The following NALF1 variants were observed in gnomAD, a reference collection of about 807,000 sequenced individuals.
The protein encoded by NALF1 is NALCN channel auxiliary factor 1, also known as family with sequence similarity 155 member A.
In NALF1, 3 loss-of-function variants were observed where a neutral mutation model predicts 48.4. That is an observed-to-expected ratio of 0.06 (90% CI 0.03 to 0.16). The LOEUF is 0.16. Among genes scored for constraint, NALF1 ranks in the 10% least tolerant of loss-of-function variants. The probability of loss-of-function intolerance (pLI) is 1.00; values close to 1 mark genes in which losing one functional copy is unlikely to be tolerated. For missense variants in NALF1, 526 were observed against 571.5 expected (o/e 0.92, Z 0.81); for synonymous variants, 262 against 245.7 (o/e 1.07, Z -0.62).
At chr13:107,389,393 T>C (rs1883583592) in intron 1 of NALF1, among the ~76,000 whole-genome samples, 2 of 152,084 alleles carry the variant, frequency 1.3e-5, no homozygotes, top group African/African-American at 4.8e-5. Flanking sequence ...ATAGTTGGTG[T>C]CCTTATGAAA....
intron 1 of NALF1, among the ~76,000 whole-genome samples, chr13:107,595,440 G>C (rs568796950): frequency 1.1e-4 from 16 of 152,184 alleles, no homozygotes; most frequent in Non-Finnish European, 1.8e-4. Context: ...TAGAAACACA[G>C]TGGTATAGAA....
intron 1 of NALF1, among the ~76,000 whole-genome samples, chr13:107,481,988 GT>G (rs1885261390): frequency 6.6e-6 from 1 of 152,052 alleles, no homozygotes; most frequent in Admixed American, 6.6e-5. Context: ...TGATGGTTAA[GT>G]TTATGTGTCA....
At chr13:107,828,204 C>T (rs1391114510) in intron 1 of NALF1, among the ~76,000 whole-genome samples, 1 of 152,076 alleles carries the variant, frequency 6.6e-6, no homozygotes, top group Non-Finnish European at 1.5e-5. Flanking sequence ...AAAAATTTTA[C>T]GAGTAATTTG....
At chr13:107,711,251 T>G (rs1249324693) in intron 1 of NALF1, among the ~76,000 whole-genome samples, 1 of 152,156 alleles carries the variant, frequency 6.6e-6, no homozygotes, top group Non-Finnish European at 1.5e-5. Context: ...CTTTTTCCAG[T>G]AGAGATTCCA....
intron 1 of NALF1, among the ~76,000 whole-genome samples, chr13:107,594,208 C>T (rs1287368942): frequency 6.6e-6 from 1 of 151,970 alleles, no homozygotes; most frequent in Non-Finnish European, 1.5e-5. Context: ...CGTTGTCATC[C>T]GTAGCTTCCA....
At chr13:107,615,358 T>C (rs1444578951) in intron 1 of NALF1, among the ~76,000 whole-genome samples, 7 of 152,184 alleles carry the variant, frequency 4.6e-5, no homozygotes, top group African/African-American at 1.7e-4. Flanking sequence ...GTCTGCTCCC[T>C]TATGGCTTGC....
At chr13:107,857,109 T>C (rs1292688049) in intron 1 of NALF1, among the ~76,000 whole-genome samples, 1 of 152,220 alleles carries the variant, frequency 6.6e-6, no homozygotes, top group Non-Finnish European at 1.5e-5. Flanking sequence ...GGTAATCCTG[T>C]TTTCATTCAT....
At chr13:107,508,649 TG>T (rs1406998349) in intron 1 of NALF1, among the ~76,000 whole-genome samples, 1 of 152,094 alleles carries the variant, frequency 6.6e-6, no homozygotes, top group African/African-American at 2.4e-5. Context: ...AAATTCAAGT[TG>T]TTTTTTCTTG....
rs1254270929 is a variant in NALF1 at position 107,168,971 on chromosome 13, T to A, written c.*1526A>T. On this transcript the variant is annotated 3_prime_UTR_variant, in exon 3 of 3. Coordinates refer to ENST00000375915, the MANE Select transcript of NALF1 (RefSeq NM_001080396.3). ...AGGAAGGAATGTAAAATTTTTTTTT[T>A]AATTATTTGTTTTGTTTGTTTGTTT... The A allele has an allele frequency of 1.3e-5, 2 of 148,488 alleles. No individual in the cohort carries two copies. The highest frequency in any genetic ancestry group is 4.3e-4 in the South Asian group (2 of 4,648). The allele number at this position is 148,488 out of a possible 1,614,324, so 9.2% of individuals were successfully genotyped here.
intron 1 of NALF1, among the ~76,000 whole-genome samples, chr13:107,415,190 G>T (rs1392916932): frequency 6.6e-6 from 1 of 152,086 alleles, no homozygotes; most frequent in Non-Finnish European, 1.5e-5. Context: ...GAAATTCTCT[G>T]CTTTACATAC....
chr13:107,736,780 G>C (rs1205668635), intron 1 of NALF1, among the ~76,000 whole-genome samples: 1 of 152,166 alleles, frequency 6.6e-6, no homozygotes, highest in African/African-American at 2.4e-5. Flanking sequence ...GGTGTATAGA[G>C]GCACTGATAG....
chr13:107,719,376 C>T (rs1307128121), intron 1 of NALF1, among the ~76,000 whole-genome samples: 3 of 152,172 alleles, frequency 2.0e-5, no homozygotes, highest in Non-Finnish European at 4.4e-5. Flanking sequence ...CATGTAATCT[C>T]TCTAAAGTCT....
At chr13:107,695,771 G>A (rs895770915) in intron 1 of NALF1, among the ~76,000 whole-genome samples, 2 of 152,098 alleles carry the variant, frequency 1.3e-5, no homozygotes, top group African/African-American at 4.8e-5. Context: ...ACACAATTAA[G>A]CACACCTTTA....
At chr13:107,188,281 A>C (rs1219260778) in intron 2 of NALF1, among the ~76,000 whole-genome samples, 1 of 152,234 alleles carries the variant, frequency 6.6e-6, no homozygotes, top group Non-Finnish European at 1.5e-5. Context: ...CAAAAAATTA[A>C]AAACATCATC....
At chr13:107,532,031 G>A (rs1876655355) in intron 1 of NALF1, among the ~76,000 whole-genome samples, 1 of 152,168 alleles carries the variant, frequency 6.6e-6, no homozygotes, top group African/African-American at 2.4e-5. Flanking sequence ...CTCTCAAATA[G>A]TGAGTTATCC....
At chr13:107,266,439 G>A (rs144509887) in intron 1 of NALF1, among the ~76,000 whole-genome samples, 74 of 152,258 alleles carry the variant, frequency 4.9e-4, no homozygotes, top group Admixed American at 1.7e-3. Context: ...GTTTCACACC[G>A]TCACGCAAAC....
At chr13:107,318,773 A>T (rs141329043) in intron 1 of NALF1, among the ~76,000 whole-genome samples, 2 of 152,260 alleles carry the variant, frequency 1.3e-5, no homozygotes, top group East Asian at 3.9e-4. Flanking sequence ...GACACTGATT[A>T]TAGAGCAAAA....
At chr13:107,691,285 G>C (rs1291227750) in intron 1 of NALF1, among the ~76,000 whole-genome samples, 1 of 152,158 alleles carries the variant, frequency 6.6e-6, no homozygotes, top group Non-Finnish European at 1.5e-5. Flanking sequence ...AACCCTGCCA[G>C]CACCTTGACT....
chr13:107,774,210 G>T (rs1487882548), intron 1 of NALF1, among the ~76,000 whole-genome samples: 1 of 152,146 alleles, frequency 6.6e-6, no homozygotes, highest in Non-Finnish European at 1.5e-5. Flanking sequence ...ATGTGTATTT[G>T]TATTTAGGTG....
Sources: allele counts gnomAD v4.1 joint callset (sites outside exome capture counted in the v4.1 genomes callset), GRCh38; gene constraint gnomAD v4.1.1; transcripts MANE v1.5; gene names NCBI Gene and HGNC (gene_info 2026-07-23, HGNC 2026-07-21).